The following C5AR1 variants were observed in gnomAD, a reference collection of about 807,000 sequenced individuals.
C5AR1 encodes the protein complement C5a receptor 1, also known as C5a anaphylatoxin chemotactic receptor 1.
A neutral mutation model predicts 2.4 loss-of-function variants in C5AR1; 4 were observed. That is an observed-to-expected ratio of 1.65 (90% CI 0.81 to 3.77). The LOEUF is 3.77. Ranked by LOEUF, C5AR1 falls within the 30% of genes most tolerant of loss-of-function variation. C5AR1 has a pLI of 0.01. For missense variants in C5AR1, 418 were observed against 462.5 expected, an observed-to-expected ratio of 0.90 and a Z score of 0.88; for synonymous variants, 209 against 210.4, an observed-to-expected ratio of 0.99 and a Z score of 0.06.
upstream of C5AR1, chr19:47,309,735 C>T (rs1002756705): frequency 9.6e-6 from 6 of 625,866 alleles, no homozygotes; most frequent in African/African-American, 1.9e-5. Flanking sequence ...GTGTGTGCCC[C>T]GCAGAGGGAG....
rs1466062688 is a variant in C5AR1, at chr19:47,320,617, G to A, written c.840G>A (p.Lys280=). ...PSSPTFLLLK[K]LDSLCVSFAY... ...CACCCACCTTCCTGCTGCTGAAGAA[G>A]CTGGACTCCCTGTGTGTCTCCTTTG... The change falls in exon 2 of 2, where the codon AAG becomes AAA. Residue 280 remains lysine (K), a synonymous_variant. Coordinates refer to ENST00000355085, the MANE Select transcript of C5AR1 (RefSeq NM_001736.4). This position sits in a 1 kb window ranked among gnomAD's most constrained non-coding sequence, Gnocchi z 4.9. 3 of 1,614,076 alleles carry A rather than the reference G, an allele frequency of 1.9e-6. No homozygotes were observed. Among genetic ancestry groups the A allele is most frequent in the Non-Finnish European group, 2.5e-6 (3 of 1,179,984 alleles).
chr19:47,310,242 C>T (rs560637897), intron 1 of C5AR1, among the ~76,000 whole-genome samples: 1 of 152,268 alleles, frequency 6.6e-6, no homozygotes, highest in African/African-American at 2.4e-5. Context: ...CGCAGTGGGT[C>T]ACACCTGTGA....
chr19:47,319,136 G>A (rs1025642408), intron 1 of C5AR1, among the ~76,000 whole-genome samples: 9 of 151,338 alleles, frequency 5.9e-5, no homozygotes, highest in Non-Finnish European at 8.8e-5. Context: ...CACCCACCTC[G>A]GCCTCCCAAA....
At chr19:47,311,516 A>G (rs1267725696) in intron 1 of C5AR1, among the ~76,000 whole-genome samples, 3 of 93,566 alleles carry the variant, frequency 3.2e-5, no homozygotes, top group Non-Finnish European at 6.9e-5. Flanking sequence ...ACAAACATAG[A>G]AAAAAAAAAA....
intron 1 of C5AR1, among the ~76,000 whole-genome samples, chr19:47,311,674 C>T (rs539283188): frequency 6.4e-4 from 98 of 152,246 alleles, no homozygotes; most frequent in African/African-American, 2.1e-3. Context: ...AAGCAATTCT[C>T]CTGCCTCAGC....
rs201319657 is a variant in C5AR1, at chr19:47,320,356, C to T, written c.579C>T (p.Ser193=). Residue 193 remains serine (S), a synonymous_variant, in exon 2 of 2, where the codon AGC becomes AGT. Transcript: ENST00000355085. The surrounding 1 kb of genome is among the most constrained non-coding windows in gnomAD (Gnocchi z 4.9). The part of the protein sequence containing the change: ...PPKVLCGVDY[S]HDKRRERAVA... Reference sequence around the variant, plus strand: ...AGGTGTTGTGTGGCGTGGACTACAGCCACGACAAACGGCGGGAGCGAGCCG... The same window carrying T: ...AGGTGTTGTGTGGCGTGGACTACAGTCACGACAAACGGCGGGAGCGAGCCG... 6 of 1,609,754 alleles carry T rather than the reference C, an allele frequency of 3.7e-6. No homozygotes were observed. Among genetic ancestry groups the T allele is most frequent in the Non-Finnish European group, 5.1e-6 (6 of 1,179,962 alleles).
chr19:47,307,924 G>C (rs1015345193), upstream of C5AR1, among the ~76,000 whole-genome samples: 5 of 151,846 alleles, frequency 3.3e-5, no homozygotes, highest in African/African-American at 4.8e-5. Context: ...TCATAAGAGC[G>C]TGAACCCAGG....
chr19:47,308,229 A>G (rs1373426746), upstream of C5AR1, among the ~76,000 whole-genome samples: 3 of 150,964 alleles, frequency 2.0e-5, no homozygotes, highest in African/African-American at 4.9e-5. Flanking sequence ...AAAAAAAAAA[A>G]AAAAAAGAGC....
At position 47,320,796 on chromosome 19, in the gene C5AR1, T is replaced by C. The variant is rs775418417; in HGVS notation, c.1019T>C (p.Val340Ala). The part of the protein sequence containing the change: ...RESKSFTRST[V>A]DTMAQKTQAV The stretch of plus-strand genomic sequence containing the variant: ...AGCAAGTCATTCACGCGCTCCACAG[T>C]GGACACTATGGCCCAGAAGACCCAG... Residue 340 changes from valine (V) to alanine (A), a missense_variant, in exon 2 of 2, where the codon GTG (valine) becomes GCG (alanine). Coordinates refer to ENST00000355085, the MANE Select transcript of C5AR1 (RefSeq NM_001736.4). This position sits in a 1 kb window ranked among gnomAD's most constrained non-coding sequence, Gnocchi z 4.9. 1.2e-6 allele frequency: 2 copies of C among 1,613,884 alleles called. No homozygotes were observed. The highest frequency in any genetic ancestry group is 1.7e-6 in the Non-Finnish European group (2 of 1,179,862).
intron 1 of C5AR1, among the ~76,000 whole-genome samples, chr19:47,311,656 G>A (rs966812100): frequency 1.7e-4 from 26 of 151,992 alleles, no homozygotes; most frequent in African/African-American, 4.8e-4. Flanking sequence ...CCTCTGCCTC[G>A]CGGCTTCAAG....
At position 47,320,340 on chromosome 19, in the gene C5AR1, G is replaced by C; in HGVS notation, c.563G>C (p.Cys188Ser). Residue 188 changes from cysteine to serine, a missense_variant, in exon 2 of 2, where the codon TGT becomes TCT. Transcript: ENST00000355085. This position sits in a 1 kb window ranked among gnomAD's most constrained non-coding sequence, Gnocchi z 4.9. ...REEYFPPKVL[C>S]GVDYSHDKRR... ...GAGTACTTTCCACCAAAGGTGTTGT[G>C]TGGCGTGGACTACAGCCACGACAAA... 3 of 1,609,888 alleles carry C rather than the reference G, an allele frequency of 1.9e-6. No individual in the cohort carries two copies. Among genetic ancestry groups the C allele is most frequent in the Non-Finnish European group, 2.5e-6 (3 of 1,180,008 alleles).
chr19:47,320,169 G>T lies in C5AR1; in HGVS notation c.392G>T (p.Ser131Ile). The T allele has an allele frequency of 6.2e-7, 1 of 1,614,182 alleles. No individual in the cohort carries two copies. Residue 131 changes from serine to isoleucine, a missense_variant, in exon 2 of 2, where the codon AGC (serine) becomes ATC (isoleucine). Transcript: ENST00000355085. This position sits in a 1 kb window ranked among gnomAD's most constrained non-coding sequence, Gnocchi z 4.9. ...YASILLLATI[S>I]ADRFLLVFKP... ...AGCATCCTGCTCCTGGCCACCATCA[G>T]CGCCGACCGCTTTCTGCTGGTGTTT...
At position 47,320,720 on chromosome 19, in the gene C5AR1, C is replaced by T. The variant is rs201304523; in HGVS notation, c.943C>T (p.Leu315Phe). 44 of 1,614,042 alleles carry T rather than the reference C, an allele frequency of 2.7e-5. No homozygotes were observed. Among genetic ancestry groups the T allele is most frequent in the Admixed American group, 3.3e-5 (2 of 59,970 alleles). Residue 315 changes from leucine (L) to phenylalanine (F), a missense_variant, in exon 2 of 2, where the codon CTC becomes TTC. Physicochemically the swap from Leu to Phe is conservative, Grantham distance 22. Coordinates refer to ENST00000355085, the MANE Select transcript of C5AR1 (RefSeq NM_001736.4). This position sits in a 1 kb window ranked among gnomAD's most constrained non-coding sequence, Gnocchi z 4.9. ...QGFQGRLRKS[L>F]PSLLRNVLTE... ...CTTCCAGGGCCGACTGCGGAAATCC[C>T]TCCCCAGCCTCCTCCGGAACGTGTT...
At chr19:47,311,079 A>C (rs1035882624) in intron 1 of C5AR1, among the ~76,000 whole-genome samples, 2 of 152,296 alleles carry the variant, frequency 1.3e-5, no homozygotes, top group African/African-American at 4.8e-5. Context: ...TGGATGGACC[A>C]GGGAGGGGTC....
At chr19:47,314,646 C>A (rs948859842) in intron 1 of C5AR1, among the ~76,000 whole-genome samples, 1 of 152,098 alleles carries the variant, frequency 6.6e-6, no homozygotes, top group East Asian at 1.9e-4. Flanking sequence ...GATCCACCCG[C>A]CTGGGCCTCC....
In C5AR1 at chr19:47,320,165, A is replaced by G. The variant is rs2059304178; in HGVS notation, c.388A>G (p.Ile130Val). Residue 130 changes from isoleucine (I) to valine (V), a missense_variant, in exon 2 of 2, where the codon ATC becomes GTC. Coordinates refer to ENST00000355085, the MANE Select transcript of C5AR1 (RefSeq NM_001736.4). The surrounding 1 kb of genome is among the most constrained non-coding windows in gnomAD (Gnocchi z 4.9). ...MYASILLLAT[I>V]SADRFLLVFK... ...CGCCAGCATCCTGCTCCTGGCCACC[A>G]TCAGCGCCGACCGCTTTCTGCTGGT... 6.2e-7 allele frequency: 1 copy of G among 1,614,180 alleles called. No individual in the cohort carries two copies. The highest frequency in any genetic ancestry group is 8.5e-7 in the Non-Finnish European group (1 of 1,180,026).
intron 1 of C5AR1, among the ~76,000 whole-genome samples, chr19:47,312,731 C>T (rs2059274786): frequency 6.6e-6 from 1 of 151,736 alleles, no homozygotes; most frequent in South Asian, 2.1e-4. Context: ...TTGCCTCCTC[C>T]TCCTCCTCCT....
At position 47,321,066 on chromosome 19, in the gene C5AR1, CA is replaced by C. The variant is rs372023175; in HGVS notation, c.*237del. Reference sequence around the variant, plus strand: ...GCACCCTCCCACCCCCCACCCCCCCCACACACACCATCTTTCCATCCCAGGC... The same window carrying C: ...GCACCCTCCCACCCCCCACCCCCCCCCACACACCATCTTTCCATCCCAGGC... On this transcript the variant is annotated 3_prime_UTR_variant, in exon 2 of 2. Coordinates refer to ENST00000355085, the MANE Select transcript of C5AR1 (RefSeq NM_001736.4). 168,406 of 240,580 alleles carry C rather than the reference CA, an allele frequency of 0.7. 57,865 individuals are homozygous for C. The highest frequency in any genetic ancestry group is 0.77 in the African/African-American group (23,441 of 30,376). 14.9% of individuals were successfully genotyped at this position (240,580 alleles called of 1,614,324 possible).
chr19:47,313,230 C>T (rs1376060206), intron 1 of C5AR1, among the ~76,000 whole-genome samples: 1 of 152,034 alleles, frequency 6.6e-6, no homozygotes, highest in Non-Finnish European at 1.5e-5. Context: ...CCCGCCTCAG[C>T]CTCCCAAAGT....
Sources: gnomAD v4.1 joint callset for allele counts (sites outside exome capture counted in the v4.1 genomes callset) on GRCh38, gnomAD v4.1.1 for gene constraint, Gnocchi (gnomAD v3.1) non-coding constraint, MANE v1.5 for transcripts, NCBI Gene and HGNC (gene_info 2026-07-23, HGNC 2026-07-21) for gene names.